PREX2: variants seen among roughly 807,000 people sequenced by gnomAD.
PREX2 encodes the protein phosphatidylinositol 3,4,5-trisphosphate-dependent Rac exchanger 2 protein.
In PREX2, 107 loss-of-function variants were observed where a neutral mutation model predicts 203.2. That is an observed-to-expected ratio of 0.53 (90% confidence interval 0.45 to 0.62). The LOEUF is 0.62. Ranked by LOEUF, PREX2 falls within the 20% of genes least tolerant of loss-of-function variation. PREX2 has a pLI of 0.00. For missense variants in PREX2, 1,777 were observed against 1,955.9 expected, an observed-to-expected ratio of 0.91 and a Z score of 1.72; for synonymous variants, 672 against 663.6, an observed-to-expected ratio of 1.01 and a Z score of -0.19.
chr8:68,189,354 G>A (rs543248256), intron 35 of PREX2, among the ~76,000 whole-genome samples: 2 of 152,280 alleles, frequency 1.3e-5, no homozygotes, highest in Middle Eastern at 3.4e-3. Flanking sequence ...GGGCCTGTAA[G>A]GTCCTGGGGT....
At chr8:68,054,894 G>A (rs1265371328) in intron 9 of PREX2, among the ~76,000 whole-genome samples, 2 of 152,162 alleles carry the variant, frequency 1.3e-5, no homozygotes, top group Non-Finnish European at 2.9e-5. Flanking sequence ...TCTCATCAGA[G>A]GCCCGGAAGG....
chr8:68,103,158 C>T (rs986513273), intron 23 of PREX2, among the ~76,000 whole-genome samples: 19 of 152,142 alleles, frequency 1.2e-4, no homozygotes, highest in African/African-American at 4.1e-4. Flanking sequence ...CTTTGAATGT[C>T]TGAAGTCCCT....
At chr8:68,076,313 C>T (rs1050660263) in intron 14 of PREX2, among the ~76,000 whole-genome samples, 6 of 151,906 alleles carry the variant, frequency 3.9e-5, no homozygotes, top group Admixed American at 2.0e-4. Flanking sequence ...AAAAATTAGC[C>T]GGGTGTGTTG....
intron 1 of PREX2, among the ~76,000 whole-genome samples, chr8:67,986,892 A>G (rs1164104439): frequency 6.6e-6 from 1 of 152,096 alleles, no homozygotes; most frequent in Non-Finnish European, 1.5e-5. Context: ...CTGGCCAGGG[A>G]TGGTGGCTCA....
chr8:68,058,401 C>T (rs1192840891), intron 10 of PREX2, among the ~76,000 whole-genome samples: 1 of 152,054 alleles, frequency 6.6e-6, no homozygotes, highest in East Asian at 1.9e-4. Flanking sequence ...CATCTGTCAT[C>T]TCATTTAATC....
chr8:68,017,146 C>T (rs896566051), intron 1 of PREX2, among the ~76,000 whole-genome samples: 2 of 152,030 alleles, frequency 1.3e-5, no homozygotes, highest in Non-Finnish European at 2.9e-5. Flanking sequence ...AAAATAATAG[C>T]CTGTTTAGCC....
chr8:68,090,047 G>A (rs1157470329), intron 19 of PREX2, among the ~76,000 whole-genome samples: 1 of 152,048 alleles, frequency 6.6e-6, no homozygotes, highest in African/African-American at 2.4e-5. Flanking sequence ...CTGACTTTTT[G>A]TATATATGTC....
rs73683288 is a variant in PREX2, at chr8:68,019,263, G to A, written c.214-286G>A. Among the ~76,000 whole-genome samples, 694 of 152,336 alleles carry A rather than the reference G, an allele frequency of 4.6e-3. 4 individuals are homozygous for A. Among genetic ancestry groups the A allele is most frequent in the African/African-American group, 0.016 (674 of 41,564 alleles). Reference sequence around the variant, plus strand: ...ATGCCCTTTCCAGAAAAGCCTGCCAGCAACTCTGCTGGTTTCCATGCAGCC... The same window carrying A: ...ATGCCCTTTCCAGAAAAGCCTGCCAACAACTCTGCTGGTTTCCATGCAGCC... On this transcript the variant is annotated intron_variant, in intron 2 of 39. Coordinates refer to ENST00000288368, the MANE Select transcript of PREX2 (RefSeq NM_024870.4).
chr8:68,082,101 T>C (rs1809549321), intron 17 of PREX2: 1 of 152,116 alleles, frequency 6.6e-6, no homozygotes. Context: ...CTCAGCAGTG[T>C]TCCAGGCTCT....
At chr8:68,079,969 C>A (rs1199221978) in intron 15 of PREX2, among the ~76,000 whole-genome samples, 3 of 140,762 alleles carry the variant, frequency 2.1e-5, no homozygotes, top group Non-Finnish European at 4.7e-5. Flanking sequence ...AAAGTGAACA[C>A]AATGAGAGTT....
chr8:68,174,932 A>G (rs568677311), intron 35 of PREX2, among the ~76,000 whole-genome samples: 18 of 152,352 alleles, frequency 1.2e-4, no homozygotes, highest in Admixed American at 3.3e-4. Context: ...GCTTAACAAT[A>G]TTGTGCACCT....
In PREX2 at chr8:68,095,536, T is replaced by TAC. The variant is rs1249867792; in HGVS notation, c.2369-1480_2369-1479insCA. Among the ~76,000 whole-genome samples the TAC allele has an allele frequency of 4.1e-4, 61 of 148,366 alleles. 1 individual carries two copies. The highest frequency in any genetic ancestry group is 1.3e-3 in the African/African-American group (52 of 40,186). ...ACATACATACATACATACATACATA[T>TAC]ATGTGTGTGTGTGTGTGTGTGTATC... On this transcript the variant is annotated intron_variant, in intron 21 of 39. Coordinates refer to ENST00000288368, the MANE Select transcript of PREX2 (RefSeq NM_024870.4).
rs1006992678 is a variant in PREX2 at position 68,120,182 on chromosome 8, T to C, written c.3505-14T>C. ...ATGAGAAATATGTAACTCGGAAATC[T>C]CTACTATTGATAGGTGGATTCAATT... On this transcript the variant is annotated splice_polypyrimidine_tract_variant and intron_variant, in intron 28 of 39. Transcript: ENST00000288368. 6.5e-7 allele frequency: 1 copy of C among 1,548,338 alleles called. No homozygotes were observed.
intron 4 of PREX2, among the ~76,000 whole-genome samples, chr8:68,022,595 A>C (rs1807603376): frequency 6.6e-6 from 1 of 152,170 alleles, no homozygotes; most frequent in Non-Finnish European, 1.5e-5. Context: ...ATATGTGTTT[A>C]ATTTCTTTAG....
intron 1 of PREX2, among the ~76,000 whole-genome samples, chr8:68,005,505 TAAC>T (rs1254638610): frequency 6.6e-6 from 1 of 152,164 alleles, no homozygotes; most frequent in Non-Finnish European, 1.5e-5. Flanking sequence ...TGCCCTCACC[TAAC>T]AACCACTTCT....
chr8:68,166,378 A>G (rs1480453635), intron 35 of PREX2, among the ~76,000 whole-genome samples: 1 of 152,164 alleles, frequency 6.6e-6, no homozygotes, highest in East Asian at 1.9e-4. Context: ...GTCGACCTAA[A>G]AGGAAGAAAC....
At chr8:68,188,060 G>T (rs1812225048) in intron 35 of PREX2, among the ~76,000 whole-genome samples, 3 of 152,206 alleles carry the variant, frequency 2.0e-5, no homozygotes, top group Admixed American at 2.0e-4. Context: ...GATCACTGTT[G>T]CTTGAGACTA....
In PREX2 at chr8:68,082,658, C is replaced by T. The variant is rs184600828; in HGVS notation, c.1879-582C>T. On this transcript the variant is annotated intron_variant, in intron 17 of 39. Transcript: ENST00000288368. ...CAGCGGTAGTTTATAGGCAGTAAGG[C>T]TGGTTGAGAAGTGCATGCTGGTTGG... 4.3e-4 allele frequency: 65 copies of T among 152,384 alleles called. 1 individual carries two copies. The highest frequency in any genetic ancestry group is 1.5e-3 in the African/African-American group (63 of 41,568). 9.4% of individuals were successfully genotyped at this position (152,384 alleles called of 1,614,324 possible). A position where few individuals can be genotyped will look rare whatever the true frequency, so the allele number is the denominator to read the frequency against.
intron 11 of PREX2, among the ~76,000 whole-genome samples, chr8:68,065,633 ACTTT>A (rs1808995368): frequency 6.6e-6 from 1 of 152,186 alleles, no homozygotes; most frequent in Non-Finnish European, 1.5e-5. Flanking sequence ...AATTCTGACA[ACTTT>A]CTTTCCTCTT....
Sources: gnomAD v4.1 joint callset for allele counts (sites outside exome capture counted in the v4.1 genomes callset) on GRCh38, gnomAD v4.1.1 for gene constraint, MANE v1.5 for transcripts, NCBI Gene and HGNC (gene_info 2026-07-23, HGNC 2026-07-21) for gene names.